The following DSCAM variants were observed in gnomAD, a reference collection of about 807,000 sequenced individuals.
The protein encoded by DSCAM is cell adhesion molecule DSCAM.
Under a neutral mutation model 217.7 loss-of-function variants are expected in DSCAM, and 47 were observed. The observed-to-expected ratio is 0.22, with a 90% CI of 0.17 to 0.28. The LOEUF (loss-of-function observed/expected upper bound fraction) is 0.28. DSCAM is among the 10% of genes least tolerant of loss of function. The pLI, the probability that DSCAM is intolerant of heterozygous loss-of-function variation, is 1.00. For synonymous variants in DSCAM, 1,056 were observed against 1,015.3 expected (o/e 1.04, Z -0.76); for missense variants, 2,080 against 2,618.3 (o/e 0.79, Z 4.49).
intron 32 of DSCAM, among the ~76,000 whole-genome samples, chr21:40,021,151 C>T (rs1227093201): frequency 8.2e-6 from 1 of 122,434 alleles, no homozygotes; most frequent in Non-Finnish European, 1.6e-5. Flanking sequence ...CACAGGGAGG[C>T]AGAAAGAAAG....
intron 8 of DSCAM, among the ~76,000 whole-genome samples, chr21:40,332,722 C>G (rs896898243): frequency 1.3e-5 from 2 of 152,170 alleles, no homozygotes; most frequent in East Asian, 3.8e-4. Flanking sequence ...AGCAAACTTG[C>G]ACTTCTGGAT....
At chr21:40,039,046 C>T (rs939597520) in intron 32 of DSCAM, among the ~76,000 whole-genome samples, 8 of 150,678 alleles carry the variant, frequency 5.3e-5, no homozygotes, top group Non-Finnish European at 8.9e-5. Flanking sequence ...AGGGATAGCA[C>T]TGGGAGATAT....
intron 3 of DSCAM, among the ~76,000 whole-genome samples, chr21:40,670,920 T>C (rs897440549): frequency 1.3e-5 from 2 of 152,190 alleles, no homozygotes; most frequent in African/African-American, 4.8e-5. Context: ...ACAAGCCAAA[T>C]GTACTTTTGT....
intron 3 of DSCAM, among the ~76,000 whole-genome samples, chr21:40,683,628 G>A (rs1181514901): frequency 2.0e-5 from 3 of 152,112 alleles, no homozygotes; most frequent in Non-Finnish European, 4.4e-5. Flanking sequence ...TAGAACGCCG[G>A]AGCAGGTAAG....
rs1467475931 is a variant in DSCAM at position 40,011,220 on chromosome 21, T to G, written c.*1814A>C. 6.6e-6 allele frequency: 1 copy of G among 152,038 alleles called. No homozygotes were observed. Among genetic ancestry groups the G allele is most frequent in the Non-Finnish European group, 1.5e-5 (1 of 68,014 alleles). The allele number at this position is 152,038 out of a possible 1,614,324, so 9.4% of individuals were successfully genotyped here. ...CATTCTGAAACCATGGATGCACACC[T>G]CACATTCCTGGAGTCATCTAACACT... On this transcript the variant is annotated 3_prime_UTR_variant, in exon 33 of 33. Coordinates refer to ENST00000400454, the MANE Select transcript of DSCAM (RefSeq NM_001389.5).
chr21:40,140,997 A>G (rs938393572), intron 18 of DSCAM, among the ~76,000 whole-genome samples: 4 of 152,186 alleles, frequency 2.6e-5, no homozygotes, highest in African/African-American at 7.2e-5. Flanking sequence ...ACATGTGGCA[A>G]CAAAGGCATG....
chr21:40,183,592 T>C (rs1034362796), intron 14 of DSCAM, among the ~76,000 whole-genome samples: 41 of 152,210 alleles, frequency 2.7e-4, no homozygotes, highest in Admixed American at 1.2e-3. Context: ...GACTGTCATT[T>C]GGCCAAAGGG....
chr21:40,416,948 A>G (rs1221389236), intron 3 of DSCAM, among the ~76,000 whole-genome samples: 1 of 152,164 alleles, frequency 6.6e-6, no homozygotes, highest in Non-Finnish European at 1.5e-5. Flanking sequence ...GTAACTAGCT[A>G]TCATTACAGG....
chr21:40,722,071 C>G (rs1385806544), intron 1 of DSCAM, among the ~76,000 whole-genome samples: 1 of 151,964 alleles, frequency 6.6e-6, no homozygotes, highest in Non-Finnish European at 1.5e-5. Flanking sequence ...CAACCTAAAG[C>G]TCTATATGCA....
At chr21:40,579,029 A>G (rs557964608) in intron 3 of DSCAM, among the ~76,000 whole-genome samples, 4 of 152,332 alleles carry the variant, frequency 2.6e-5, no homozygotes, top group African/African-American at 4.8e-5. Flanking sequence ...CAAAACACAG[A>G]AAGATGCACA....
At chr21:40,495,079 A>G (rs1290101472) in intron 3 of DSCAM, among the ~76,000 whole-genome samples, 4 of 152,194 alleles carry the variant, frequency 2.6e-5, no homozygotes, top group African/African-American at 9.6e-5. Context: ...GAGTAACAAG[A>G]TTGAGTCAAT....
At chr21:40,564,362 T>A (rs1265792479) in intron 3 of DSCAM, among the ~76,000 whole-genome samples, 1 of 152,184 alleles carries the variant, frequency 6.6e-6, no homozygotes, top group Non-Finnish European at 1.5e-5. Flanking sequence ...TCTTCACGGA[T>A]GCCAGTAACT....
Position 40,194,193 on chromosome 21 carries a change from G to A in DSCAM, c.2357-4955C>T, listed in dbSNP as rs938807737. On this transcript the variant is annotated intron_variant, in intron 11 of 32. Coordinates refer to ENST00000400454, the MANE Select transcript of DSCAM (RefSeq NM_001389.5). ...TTGAAAGAGTGCCCTACTAAAATGG[G>A]TATTTTTGTTCTGGTTATTAAATTC... 6.6e-5 allele frequency among the ~76,000 whole-genome samples: 10 copies of A among 152,164 alleles called. No individual in the cohort carries two copies. The East Asian group carries it at 1.9e-3, about 29-fold the overall frequency.
At chr21:40,354,666 G>A (rs1414862777) in intron 4 of DSCAM, among the ~76,000 whole-genome samples, 2 of 151,882 alleles carry the variant, frequency 1.3e-5, no homozygotes, top group East Asian at 2.0e-4. Context: ...CGGCTAACAC[G>A]GTGAAACCCC....
intron 18 of DSCAM, 67 bp downstream of exon 18, chr21:40,142,491 A>G: frequency 6.3e-7 from 1 of 1,580,074 alleles, no homozygotes; most frequent in Non-Finnish European, 8.7e-7. Context: ...AGGAACTAGG[A>G]GGGGTCTGCA....
intron 1 of DSCAM, among the ~76,000 whole-genome samples, chr21:40,803,673 T>C (rs2091761739): frequency 1.3e-5 from 2 of 152,182 alleles, no homozygotes; most frequent in African/African-American, 4.8e-5. Flanking sequence ...CTACAGACTT[T>C]AGTATATATA....
At chr21:40,076,485 C>T (rs955393708) in intron 26 of DSCAM, among the ~76,000 whole-genome samples, 3 of 152,160 alleles carry the variant, frequency 2.0e-5, no homozygotes, top group African/African-American at 7.2e-5. Context: ...ATTCATGAGA[C>T]TGGTCCAAAG....
At chr21:40,563,676 TTA>T (rs58283731) in intron 3 of DSCAM, among the ~76,000 whole-genome samples, 31,687 of 126,340 alleles carry the variant, frequency 0.25, 3,931 homozygotes, top group African/African-American at 0.32. Context: ...ATATATATGT[TTA>T]TATGTTTATA....
Position 40,792,288 on chromosome 21 carries a change from G to A in DSCAM, c.43+54331C>T, listed in dbSNP as rs75284179. Among the ~76,000 whole-genome samples, 2,077 of 151,918 alleles carry A rather than the reference G, an allele frequency of 0.014. 93 individuals carry two copies. In the East Asian group the frequency reaches 0.18, roughly 13 times the overall value. ...TGAGTACGTGGGACTATAGGCATGC[G>A]CCACCACGCCTGGCTAATTTTTTGT... is the stretch of plus-strand genomic sequence containing the variant. On this transcript the variant is annotated intron_variant, in intron 1 of 32. Coordinates refer to ENST00000400454, the MANE Select transcript of DSCAM (RefSeq NM_001389.5).
Sources: gnomAD v4.1 joint callset for allele counts (sites outside exome capture counted in the v4.1 genomes callset) on GRCh38, gnomAD v4.1.1 for gene constraint, MANE v1.5 for transcripts, NCBI Gene and HGNC (gene_info 2026-07-23, HGNC 2026-07-21) for gene names.